WIPF3: variants seen among roughly 807,000 people sequenced by gnomAD.
The protein encoded by WIPF3 is WAS/WASL-interacting protein family member 3.
In WIPF3, 33 loss-of-function variants were observed where a neutral mutation model predicts 38.9. The ratio of observed to expected loss-of-function variants is 0.85; its 90% CI spans 0.64 to 1.14. WIPF3 has a LOEUF of 1.14. Ranked by LOEUF, WIPF3 falls within the 50% of genes most tolerant of loss-of-function variation. WIPF3 has a pLI of 0.00. For missense variants in WIPF3, 711 were observed against 652.5 expected, an observed-to-expected ratio of 1.09 and a Z score of -0.98; for synonymous variants, 324 against 269.3, an observed-to-expected ratio of 1.20 and a Z score of -1.99.
chr7:29,842,399 C>G (rs527274102), intron 2 of WIPF3, among the ~76,000 whole-genome samples: 1 of 152,300 alleles, frequency 6.6e-6, no homozygotes, highest in African/African-American at 2.4e-5. Flanking sequence ...TCTGCCTGCC[C>G]GTTCCGGGAG....
chr7:29,867,203 G>A (rs1785403016), intron 2 of WIPF3, among the ~76,000 whole-genome samples: 2 of 152,180 alleles, frequency 1.3e-5, no homozygotes, highest in Admixed American at 1.3e-4. Context: ...AGTCACCGCT[G>A]TGTGCACTCT....
intron 2 of WIPF3, among the ~76,000 whole-genome samples, chr7:29,855,565 G>A (rs1192123209): frequency 1.3e-5 from 2 of 152,204 alleles, no homozygotes; most frequent in Middle Eastern, 3.2e-3. Context: ...ATGCCATGCA[G>A]CAGCTGTTGG....
chr7:29,832,081 G>T (rs1784731669), intron 1 of WIPF3, among the ~76,000 whole-genome samples: 1 of 152,118 alleles, frequency 6.6e-6, no homozygotes, highest in Non-Finnish European at 1.5e-5. Context: ...TTCACCAGGG[G>T]AAGCATTTCT....
At chr7:29,876,597 C>T (rs1209384245) in intron 3 of WIPF3, among the ~76,000 whole-genome samples, 1 of 152,170 alleles carries the variant, frequency 6.6e-6, no homozygotes, top group African/African-American at 2.4e-5. Flanking sequence ...ATTGTATGGA[C>T]ACACCACGTT....
At chr7:29,856,552 C>T (rs1389326375) in intron 2 of WIPF3, among the ~76,000 whole-genome samples, 3 of 152,134 alleles carry the variant, frequency 2.0e-5, no homozygotes, top group Non-Finnish European at 4.4e-5. Context: ...CAGCTTGAGC[C>T]CAGGATTGCT....
intron 1 of WIPF3, among the ~76,000 whole-genome samples, chr7:29,831,762 G>A (rs1189034948): frequency 1.3e-5 from 2 of 152,172 alleles, no homozygotes; most frequent in Non-Finnish European, 2.9e-5. Flanking sequence ...TAGGACCTTT[G>A]CTACAGTCAA....
In WIPF3 at chr7:29,878,689, G is replaced by T. The variant is rs1460675140; in HGVS notation, c.224-320G>T. On this transcript the variant is annotated intron_variant, in intron 3 of 8. Coordinates refer to ENST00000242140, the MANE Select transcript of WIPF3 (RefSeq NM_001080529.3). This position sits in a 1 kb window ranked among gnomAD's most constrained non-coding sequence, Gnocchi z 4.0. ...CTACCACATTTGGGTTTTCTAATTC[G>T]AAGGTGCTGCCAGTTGCTCTGTTAG... Among the ~76,000 whole-genome samples, 2 of 152,170 alleles carry T rather than the reference G, an allele frequency of 1.3e-5. No homozygotes were observed. The highest frequency in any genetic ancestry group is 2.9e-5 in the Non-Finnish European group (2 of 68,028).
chr7:29,858,933 G>A (rs1785231939), intron 2 of WIPF3, among the ~76,000 whole-genome samples: 1 of 152,138 alleles, frequency 6.6e-6, no homozygotes, highest in Non-Finnish European at 1.5e-5. Context: ...TTATTTTAAT[G>A]AAGCTTTAAG....
In WIPF3 at chr7:29,884,272, A is replaced by ACCCC; in HGVS notation, c.778_779insCCCC (p.Ile260ThrfsTer59). 7.4e-6 allele frequency: 2 copies of ACCCC among 268,992 alleles called. No homozygotes were observed. Among genetic ancestry groups the ACCCC allele is most frequent in the Non-Finnish European group, 1.1e-5 (2 of 179,484 alleles). The allele number at this position is 268,992 out of a possible 1,614,324, so 16.7% of individuals were successfully genotyped here. On this transcript the variant is annotated frameshift_variant, in exon 5 of 9. Transcript: ENST00000242140. LOFTEE classifies it high-confidence loss of function. ...GCTGGCTCCCTTGCACCTCCCGCCC[A>ACCCC]TCCCGCCCCCGCTCCCTCTGCTCCC... is the stretch of plus-strand genomic sequence containing the variant.
intron 2 of WIPF3, among the ~76,000 whole-genome samples, chr7:29,858,952 T>C (rs1405176402): frequency 6.6e-6 from 1 of 152,232 alleles, no homozygotes; most frequent in African/African-American, 2.4e-5. Context: ...AGAGTGCTTA[T>C]TATGTATAAG....
chr7:29,848,477 C>T (rs1022687100), intron 2 of WIPF3, among the ~76,000 whole-genome samples: 11 of 152,132 alleles, frequency 7.2e-5, no homozygotes, highest in African/African-American at 2.2e-4. Flanking sequence ...AAGCCCCTCT[C>T]CAAAGCAAAG....
At chr7:29,821,646 A>T (rs1416688027) in intron 1 of WIPF3, among the ~76,000 whole-genome samples, 1 of 152,172 alleles carries the variant, frequency 6.6e-6, no homozygotes, top group Non-Finnish European at 1.5e-5. Context: ...CTTAAATTAT[A>T]TGCTTGATAT....
intron 7 of WIPF3, among the ~76,000 whole-genome samples, chr7:29,893,029 C>T (rs1164343269): frequency 6.6e-6 from 1 of 151,912 alleles, no homozygotes; most frequent in Non-Finnish European, 1.5e-5. Flanking sequence ...CGTGCCATTG[C>T]AATCCAGCCT....
chr7:29,825,936 G>T (rs1784609064), intron 1 of WIPF3, among the ~76,000 whole-genome samples: 1 of 152,186 alleles, frequency 6.6e-6, no homozygotes. Flanking sequence ...CGATGTCTGG[G>T]CTGGTGTTTC....
intron 8 of WIPF3, among the ~76,000 whole-genome samples, chr7:29,906,515 G>A (rs907571388): frequency 3.9e-5 from 6 of 152,062 alleles, no homozygotes; most frequent in Non-Finnish European, 2.9e-5. Flanking sequence ...AATTAAAAGT[G>A]AACAAAGCCT....
intron 8 of WIPF3, among the ~76,000 whole-genome samples, chr7:29,908,293 A>G (rs1294569717): frequency 6.6e-6 from 1 of 152,252 alleles, no homozygotes; most frequent in Non-Finnish European, 1.5e-5. Flanking sequence ...TCAATAGAGC[A>G]AGAAGACATA....
intron 1 of WIPF3, among the ~76,000 whole-genome samples, chr7:29,812,707 A>C (rs1379702501): frequency 6.6e-6 from 1 of 152,130 alleles, no homozygotes; most frequent in Non-Finnish European, 1.5e-5. Context: ...CAACCCCATC[A>C]CTCAAATTAG....
chr7:29,859,358 G>T (rs1221209143), intron 2 of WIPF3, among the ~76,000 whole-genome samples: 1 of 152,188 alleles, frequency 6.6e-6, no homozygotes, highest in Non-Finnish European at 1.5e-5. Context: ...CCATCTGAGG[G>T]CCAGGGATGC....
intron 4 of WIPF3, 42 bp from the exon 5 acceptor site, chr7:29,883,808 T>C: frequency 6.6e-7 from 1 of 1,510,200 alleles, no homozygotes; most frequent in Non-Finnish European, 8.9e-7. Context: ...GGCTTTCTCC[T>C]TCTTTATTGC....
Sources: gnomAD v4.1 joint callset for allele counts (sites outside exome capture counted in the v4.1 genomes callset) on GRCh38, gnomAD v4.1.1 for gene constraint, Gnocchi (gnomAD v3.1) non-coding constraint, MANE v1.5 for transcripts, NCBI Gene and HGNC (gene_info 2026-07-23, HGNC 2026-07-21) for gene names.